The following MGAT4C variants were observed in gnomAD, a reference collection of about 807,000 sequenced individuals.
MGAT4C encodes the protein MGAT4 family member C, also known as alpha-1,3-mannosyl-glycoprotein 4-beta-N-acetylglucosaminyltransferase C.
A neutral mutation model predicts 40.1 loss-of-function variants in MGAT4C; 19 were observed. The ratio of observed to expected loss-of-function variants is 0.47; its 90% CI spans 0.33 to 0.70. The LOEUF (loss-of-function observed/expected upper bound fraction) is 0.70. Ranked by LOEUF, MGAT4C falls within the 30% of genes least tolerant of loss-of-function variation. MGAT4C has a pLI of 0.02. For missense variants in MGAT4C, 491 were observed against 563.2 expected (o/e 0.87, Z 1.30); for synonymous variants, 181 against 187.1 (o/e 0.97, Z 0.27).
At chr12:86,643,519 C>T (rs975407752) in intron 2 of MGAT4C, among the ~76,000 whole-genome samples, 1 of 151,664 alleles carries the variant, frequency 6.6e-6, no homozygotes, top group Admixed American at 6.6e-5. Flanking sequence ...TAAAAATGAA[C>T]GAAATACTGA....
chr12:86,394,571 T>A (rs1956217937), intron 3 of MGAT4C, among the ~76,000 whole-genome samples: 1 of 145,152 alleles, frequency 6.9e-6, no homozygotes, highest in African/African-American at 2.5e-5. Flanking sequence ...TTATATATAT[T>A]TATATATGTG....
intron 1 of MGAT4C, among the ~76,000 whole-genome samples, chr12:86,077,041 G>T (rs1869873181): frequency 1.3e-5 from 2 of 152,072 alleles, no homozygotes; most frequent in Admixed American, 1.3e-4. Flanking sequence ...GCTGCCAGCT[G>T]ATTAGATTGT....
intron 1 of MGAT4C, among the ~76,000 whole-genome samples, chr12:86,806,621 T>C (rs1207502857): frequency 1.3e-5 from 2 of 152,026 alleles, no homozygotes; most frequent in Non-Finnish European, 2.9e-5. Context: ...TCTCTGCCAC[T>C]GATCACCTCC....
chr12:86,399,239 G>A (rs1956312819), intron 3 of MGAT4C, among the ~76,000 whole-genome samples: 2 of 151,988 alleles, frequency 1.3e-5, no homozygotes, highest in African/African-American at 4.8e-5. Flanking sequence ...CAAAGTGCCG[G>A]GATTACAGGC....
chr12:86,770,199 T>G (rs537537761), intron 1 of MGAT4C, among the ~76,000 whole-genome samples: 1 of 152,168 alleles, frequency 6.6e-6, no homozygotes, highest in African/African-American at 2.4e-5. Flanking sequence ...GAAAAAGCAG[T>G]TTTAATATAA....
rs144304910 is a variant in MGAT4C, at chr12:86,793,358, C to T, written c.-262+45308G>A. On this transcript the variant is annotated intron_variant, in intron 1 of 7. Transcript: ENST00000548651. The stretch of plus-strand genomic sequence containing the variant: ...AATTGTAAGTGAATGCTCACTTGGT[C>T]TGACCTCTCTACTCTTTCTAAACAT... Among the ~76,000 whole-genome samples, 1,073 of 152,228 alleles carry T rather than the reference C, an allele frequency of 7.0e-3. 11 individuals are homozygous for T. The highest frequency in any genetic ancestry group is 0.025 in the African/African-American group (1,021 of 41,548).
Position 86,323,641 on chromosome 12 carries a change from C to T in MGAT4C, c.-57+10424G>A, listed in dbSNP as rs934060261. On this transcript the variant is annotated intron_variant, in intron 4 of 7. Transcript: ENST00000548651. ...TCACAGCAGCAAAACAATATAACTA[C>T]CGTAGTAAATACATACATATATATA... Among the ~76,000 whole-genome samples, 3 of 151,774 alleles carry T rather than the reference C, an allele frequency of 2.0e-5. No individual in the cohort carries two copies. In the East Asian group the frequency reaches 5.8e-4, roughly 29 times the overall value.
chr12:86,626,817 T>A (rs1004786726), intron 2 of MGAT4C, among the ~76,000 whole-genome samples: 4 of 152,070 alleles, frequency 2.6e-5, no homozygotes, highest in Admixed American at 6.5e-5. Flanking sequence ...AGAAGACAGG[T>A]GATTTCTGCA....
intron 2 of MGAT4C, among the ~76,000 whole-genome samples, chr12:86,694,249 C>T (rs1194449999): frequency 1.3e-5 from 2 of 152,080 alleles, no homozygotes; most frequent in Non-Finnish European, 2.9e-5. Flanking sequence ...GTAAGCTAGT[C>T]GTTTTTCTTC....
chr12:86,733,468 G>C (rs2702785), intron 1 of MGAT4C, among the ~76,000 whole-genome samples: 2 of 152,046 alleles, frequency 1.3e-5, no homozygotes, highest in Admixed American at 6.6e-5. Flanking sequence ...GTTTGGCTGA[G>C]AGAAAGCAAG....
At chr12:86,798,865 A>C (rs1037558838) in intron 1 of MGAT4C, among the ~76,000 whole-genome samples, 14 of 151,924 alleles carry the variant, frequency 9.2e-5, no homozygotes, top group African/African-American at 2.9e-4. Flanking sequence ...GGTAAATATA[A>C]CATCTTTTAT....
chr12:86,233,907 GT>G (rs1951428654), intron 1 of MGAT4C, among the ~76,000 whole-genome samples: 1 of 151,982 alleles, frequency 6.6e-6, no homozygotes, highest in Non-Finnish European at 1.5e-5. Context: ...TGAAAAGTTT[GT>G]GATTTATTTT....
chr12:86,343,328 T>C (rs1954942042), intron 3 of MGAT4C, among the ~76,000 whole-genome samples: 1 of 152,194 alleles, frequency 6.6e-6, no homozygotes, highest in Non-Finnish European at 1.5e-5. Flanking sequence ...TTTTGATCAA[T>C]GTATCGTCAC....
chr12:86,103,630 T>C (rs1217681307), intron 1 of MGAT4C, among the ~76,000 whole-genome samples: 4 of 152,110 alleles, frequency 2.6e-5, no homozygotes, highest in African/African-American at 9.7e-5. Context: ...ATACACATCC[T>C]TTTTGTTTTT....
chr12:86,537,185 C>T (rs1482605689), intron 2 of MGAT4C, among the ~76,000 whole-genome samples: 1 of 150,632 alleles, frequency 6.6e-6, no homozygotes, highest in Non-Finnish European at 1.5e-5. Flanking sequence ...AACACATGGA[C>T]ACAGGAAGGG....
intron 1 of MGAT4C, among the ~76,000 whole-genome samples, chr12:86,122,421 C>G (rs1188756625): frequency 6.6e-6 from 1 of 152,016 alleles, no homozygotes; most frequent in Non-Finnish European, 1.5e-5. Context: ...TCACATTTTC[C>G]TTATACACTT....
chr12:86,240,195 A>T (rs930871835), intron 1 of MGAT4C, among the ~76,000 whole-genome samples: 19 of 147,994 alleles, frequency 1.3e-4, no homozygotes, highest in Admixed American at 6.7e-4. Flanking sequence ...CATATATATG[A>T]TATATATCAT....
intron 2 of MGAT4C, among the ~76,000 whole-genome samples, chr12:86,004,343 G>A (rs1023272541): frequency 6.6e-6 from 1 of 152,012 alleles, no homozygotes; most frequent in African/African-American, 2.4e-5. Context: ...TTAGTTTAAT[G>A]TCATCAGTGG....
At chr12:86,101,269 C>T (rs1874993640) in intron 1 of MGAT4C, among the ~76,000 whole-genome samples, 1 of 151,726 alleles carries the variant, frequency 6.6e-6, no homozygotes, top group Admixed American at 6.6e-5. Flanking sequence ...TATTTTGGAA[C>T]ATCAATGAAA....
Sources: allele counts gnomAD v4.1 joint callset (sites outside exome capture counted in the v4.1 genomes callset), GRCh38; gene constraint gnomAD v4.1.1; transcripts MANE v1.5; gene names NCBI Gene and HGNC (gene_info 2026-07-23, HGNC 2026-07-21).